SLC1A3: variants seen among roughly 807,000 people sequenced by gnomAD.
SLC1A3 encodes the protein excitatory amino acid transporter 1.
A neutral mutation model predicts 48.1 loss-of-function variants in SLC1A3; 21 were observed. The ratio of observed to expected loss-of-function variants is 0.44; its 90% CI spans 0.31 to 0.63. The LOEUF is 0.63. Ranked by LOEUF, SLC1A3 falls within the 20% of genes least tolerant of loss-of-function variation. The pLI is 0.08. For missense variants in SLC1A3, 546 were observed against 689.0 expected (o/e 0.79, Z 2.32); for synonymous variants, 239 against 251.4 (o/e 0.95, Z 0.47).
At chr5:36,683,773 A>G in intron 8 of SLC1A3, 91 bp from the exon 9 acceptor site, 4 of 1,390,326 alleles carry the variant, frequency 2.9e-6, no homozygotes, top group Non-Finnish European at 4.1e-6. Flanking sequence ...ATGGCAAGTC[A>G]GGCATCGGCA....
rs1044410789 is a variant in SLC1A3, at chr5:36,628,086, C to T, written c.182-1364C>T. ...TTTTGCCCCACCTTTCTGCGTTTTC[C>T]AATTCAACTTTTCTCCTTGACCATA... is the stretch of plus-strand genomic sequence containing the variant. On this transcript the variant is annotated intron_variant, in intron 2 of 9. Coordinates refer to ENST00000265113, the MANE Select transcript of SLC1A3 (RefSeq NM_004172.5). Among the ~76,000 whole-genome samples the T allele has an allele frequency of 3.7e-4, 56 of 152,122 alleles. 1 individual carries two copies. Among genetic ancestry groups the T allele is most frequent in the Admixed American group, 3.1e-3 (48 of 15,276 alleles).
Position 36,687,212 on chromosome 5 carries a change from G to A in SLC1A3, c.*943G>A, listed in dbSNP as rs1390623722. On this transcript the variant is annotated 3_prime_UTR_variant, in exon 10 of 10. Transcript: ENST00000265113. ...ATTCCCTTCTTTCCTACTCTGGGAA[G>A]AATGTCTCCTGCCACTCCTCAACTG... is the stretch of plus-strand genomic sequence containing the variant. 1 of 151,924 alleles carries A rather than the reference G, an allele frequency of 6.6e-6. No homozygotes were observed. The highest frequency in any genetic ancestry group is 1.5e-5 in the Non-Finnish European group (1 of 68,046). 9.4% of individuals were successfully genotyped at this position (151,924 alleles called of 1,614,324 possible). A position where few individuals can be genotyped will look rare whatever the true frequency, so the allele number is the denominator to read the frequency against.
At chr5:36,637,403 C>T (rs1436681391) in intron 3 of SLC1A3, among the ~76,000 whole-genome samples, 2 of 152,198 alleles carry the variant, frequency 1.3e-5, no homozygotes, top group African/African-American at 4.8e-5. Context: ...TGAGATGCTG[C>T]TTTCCAGAAG....
intron 3 of SLC1A3, among the ~76,000 whole-genome samples, chr5:36,655,107 G>A (rs998971150): frequency 2.6e-5 from 4 of 152,178 alleles, no homozygotes; most frequent in African/African-American, 9.7e-5. Flanking sequence ...GGGGGACCTG[G>A]AGGTGAGCTC....
intron 3 of SLC1A3, chr5:36,669,329 A>G (rs981580893): frequency 2.0e-5 from 3 of 152,244 alleles, no homozygotes; most frequent in Non-Finnish European, 2.9e-5. Flanking sequence ...CATTTTTAAC[A>G]TAGTTGAAAT....
At chr5:36,615,969 G>T (rs568232030) in intron 2 of SLC1A3, among the ~76,000 whole-genome samples, 3 of 152,284 alleles carry the variant, frequency 2.0e-5, no homozygotes, top group African/African-American at 7.2e-5. Context: ...AGGCCGAGGC[G>T]GGTGGATTAC....
intron 3 of SLC1A3, among the ~76,000 whole-genome samples, chr5:36,662,393 A>G (rs1741549661): frequency 6.6e-6 from 1 of 152,146 alleles, no homozygotes; most frequent in Non-Finnish European, 1.5e-5. Flanking sequence ...TGGCAAGAGG[A>G]CAGTCATTCC....
At chr5:36,619,248 A>G (rs989066590) in intron 2 of SLC1A3, among the ~76,000 whole-genome samples, 1 of 152,248 alleles carries the variant, frequency 6.6e-6, no homozygotes, top group African/African-American at 2.4e-5. Context: ...GCTTCTCACC[A>G]GGAAACGCCT....
At chr5:36,608,306 T>C in intron 1 of SLC1A3, 23 bp from the exon 2 acceptor site, 4 of 902,668 alleles carry the variant, frequency 4.4e-6, no homozygotes, top group Non-Finnish European at 7.0e-6. Flanking sequence ...CTATAACTCA[T>C]GTCTCTTTTT....
At chr5:36,613,720 G>A (rs1015340107) in intron 2 of SLC1A3, among the ~76,000 whole-genome samples, 1 of 152,202 alleles carries the variant, frequency 6.6e-6, no homozygotes, top group Non-Finnish European at 1.5e-5. Context: ...GGGGGATCCT[G>A]AGTCCCCTGG....
chr5:36,608,316 T>C lies in SLC1A3; in HGVS notation c.-95-13T>C, dbSNP rs1006066682. 9.0e-6 allele frequency: 9 copies of C among 1,000,768 alleles called. No homozygotes were observed. Among genetic ancestry groups the C allele is most frequent in the Non-Finnish European group, 1.4e-5 (9 of 654,020 alleles). 62.0% of individuals were successfully genotyped at this position (1,000,768 alleles called of 1,614,324 possible). ...GGAGGCTATAACTCATGTCTCTTTT[T>C]CTCCCATTCTAGTTGTGTTTTCTAA... On this transcript the variant is annotated splice_polypyrimidine_tract_variant and intron_variant, in intron 1 of 9. Coordinates refer to ENST00000265113, the MANE Select transcript of SLC1A3 (RefSeq NM_004172.5).
intron 3 of SLC1A3, among the ~76,000 whole-genome samples, chr5:36,638,049 G>A (rs1168968825): frequency 6.6e-6 from 1 of 152,098 alleles, no homozygotes; most frequent in Non-Finnish European, 1.5e-5. Context: ...TACTACTTTA[G>A]TTGATACCTT....
At chr5:36,655,239 G>A (rs908398069) in intron 3 of SLC1A3, among the ~76,000 whole-genome samples, 5 of 152,092 alleles carry the variant, frequency 3.3e-5, no homozygotes, top group African/African-American at 1.2e-4. Context: ...AAGCCCTTTT[G>A]GCTTCTTTGC....
intron 6 of SLC1A3, among the ~76,000 whole-genome samples, chr5:36,679,067 G>A (rs1331133183): frequency 6.6e-6 from 1 of 152,200 alleles, no homozygotes; most frequent in Non-Finnish European, 1.5e-5. Flanking sequence ...AATAAAAGTG[G>A]CCCTTGAATA....
intron 1 of SLC1A3, among the ~76,000 whole-genome samples, chr5:36,597,467 C>T (rs990887568): frequency 1.3e-4 from 20 of 151,988 alleles, no homozygotes; most frequent in Admixed American, 1.2e-3. Context: ...CGGTCTCGAT[C>T]TCCTGACCTC....
intron 4 of SLC1A3, among the ~76,000 whole-genome samples, chr5:36,672,451 T>C (rs563400588): frequency 1.3e-5 from 2 of 152,346 alleles, no homozygotes; most frequent in South Asian, 4.1e-4. Context: ...CCTCCCAGCC[T>C]GTCTTCCCAA....
rs114492791 is a variant in SLC1A3 at position 36,643,264 on chromosome 5, A to T, written c.319+13677A>T. 5.3e-3 allele frequency among the ~76,000 whole-genome samples: 812 copies of T among 152,300 alleles called. 9 individuals carry two copies. Among genetic ancestry groups the T allele is most frequent in the African/African-American group, 0.018 (766 of 41,564 alleles). On this transcript the variant is annotated intron_variant, in intron 3 of 9. Coordinates refer to ENST00000265113, the MANE Select transcript of SLC1A3 (RefSeq NM_004172.5). ...TTCCAAAGTGGCTGCACTATTTTAC[A>T]TCCCCAGCAGCAGTGTATGAGTGTT...
At chr5:36,620,015 T>C (rs572150522) in intron 2 of SLC1A3, among the ~76,000 whole-genome samples, 2 of 152,292 alleles carry the variant, frequency 1.3e-5, no homozygotes, top group South Asian at 4.1e-4. Context: ...TTTGCAGATT[T>C]TTTTAAAAAA....
rs186981534 is a variant in SLC1A3, at chr5:36,641,987, T to C, written c.319+12400T>C. Among the ~76,000 whole-genome samples, 810 of 152,320 alleles carry C rather than the reference T, an allele frequency of 5.3e-3. 11 individuals carry two copies. Among genetic ancestry groups the C allele is most frequent in the African/African-American group, 0.018 (764 of 41,562 alleles). The stretch of plus-strand genomic sequence containing the variant: ...ATTTAGGCATAATACTTCAAAGATT[T>C]CAAGCCCTTTTTCTGCTAGCATTCA... On this transcript the variant is annotated intron_variant, in intron 3 of 9. Coordinates refer to ENST00000265113, the MANE Select transcript of SLC1A3 (RefSeq NM_004172.5).
Sources: gnomAD v4.1 joint callset for allele counts (sites outside exome capture counted in the v4.1 genomes callset) on GRCh38, gnomAD v4.1.1 for gene constraint, MANE v1.5 for transcripts, NCBI Gene and HGNC (gene_info 2026-07-23, HGNC 2026-07-21) for gene names.